The following GPR108 variants were observed in gnomAD, a reference collection of about 807,000 sequenced individuals.
The protein encoded by GPR108 is G protein-coupled receptor 108, also known as protein GPR108.
In GPR108, 60 loss-of-function variants were observed where a neutral mutation model predicts 74.3. That is an observed-to-expected ratio of 0.81 (90% CI 0.66 to 1.00). The LOEUF (loss-of-function observed/expected upper bound fraction) is 1.00, where lower values mean the gene tolerates loss of function less well. Among genes scored for constraint, GPR108 ranks in the 50% least tolerant of loss-of-function variants. The probability of loss-of-function intolerance (pLI) is 0.00; values close to 1 mark genes in which losing one functional copy is unlikely to be tolerated. For missense variants in GPR108, 667 were observed against 703.3 expected, an observed-to-expected ratio of 0.95 and a Z score of 0.58; for synonymous variants, 311 against 292.4, an observed-to-expected ratio of 1.06 and a Z score of -0.65.
At position 6,735,846 on chromosome 19, in the gene GPR108, A is replaced by T. The variant is rs1227225557; in HGVS notation, c.291+62T>A. 6 of 1,564,202 alleles carry T rather than the reference A, an allele frequency of 3.8e-6. No homozygotes were observed. The East Asian group carries it at 1.1e-4, about 30-fold the overall frequency. On this transcript the variant is annotated intron_variant, in intron 3 of 17. Coordinates refer to ENST00000264080, the MANE Select transcript of GPR108 (RefSeq NM_001080452.2). ...AGGGGCCCTTGGGTTACAGATGCAG[A>T]GGACAGACCCTACCCCCTCCCTCCA... is the stretch of plus-strand genomic sequence containing the variant.
At position 6,733,148 on chromosome 19, in the gene GPR108, C is replaced by A. The variant is rs1020761102; in HGVS notation, c.857+20G>T. 2 of 1,613,736 alleles carry A rather than the reference C, an allele frequency of 1.2e-6. No homozygotes were observed. Among genetic ancestry groups the A allele is most frequent in the African/African-American group, 1.3e-5 (1 of 74,904 alleles). ...GTCTGGTGAAGGGACGTGGGGGACCCTCAGGGGCAGGGGCATTACGTGTTC... is the reference window on the plus strand; with the variant it reads ...GTCTGGTGAAGGGACGTGGGGGACCATCAGGGGCAGGGGCATTACGTGTTC... On this transcript the variant is annotated intron_variant, in intron 9 of 17. Coordinates refer to ENST00000264080, the MANE Select transcript of GPR108 (RefSeq NM_001080452.2).
Position 6,732,102 on chromosome 19 carries a change from G to C in GPR108, c.1179C>G (p.Ser393Arg). ...AAATCTCCTTCCACAGCACGTAGTCGCTGGCGCCTTCCTCGCGGGACTCGA... is the reference window on the plus strand; with the variant it reads ...AAATCTCCTTCCACAGCACGTAGTCCCTGGCGCCTTCCTCGCGGGACTCGA... ...IIIESREEGA[S>R]DYVLWKEILF... The change falls in exon 13 of 18, where the codon AGC (serine) becomes AGG (arginine). Residue 393 changes from serine (S) to arginine (R), a missense_variant. Physicochemically the swap from Ser to Arg is moderately radical, Grantham distance 110 (BLOSUM62 -1). Coordinates refer to ENST00000264080, the MANE Select transcript of GPR108 (RefSeq NM_001080452.2). The C allele has an allele frequency of 6.2e-7, 1 of 1,613,982 alleles. No individual in the cohort carries two copies. The highest frequency in any genetic ancestry group is 8.5e-7 in the Non-Finnish European group (1 of 1,180,012).
intron 14 of GPR108, 42 bp from the exon 15 acceptor site, chr19:6,731,564 G>C (rs779767802): frequency 1.0e-6 from 1 of 989,696 alleles, no homozygotes; most frequent in Non-Finnish European, 1.5e-6. Flanking sequence ...GAGACTGAGG[G>C]TGGGAGGGAG....
In GPR108 at chr19:6,737,122, G is replaced by A. The variant is rs73922484; in HGVS notation, c.120+335C>T. The stretch of plus-strand genomic sequence containing the variant: ...CCACTCTATAGCCCCCCAGGACCCC[G>A]CTGTGCGGCTCCAGGGTCTCTAGCG... On this transcript the variant is annotated intron_variant, in intron 1 of 17. Coordinates refer to ENST00000264080, the MANE Select transcript of GPR108 (RefSeq NM_001080452.2). The A allele has an allele frequency of 1.8e-3, 686 of 387,030 alleles. 5 individuals carry two copies. The highest frequency in any genetic ancestry group is 0.013 in the African/African-American group (639 of 48,248). The allele number at this position is 387,030 out of a possible 1,614,324, so 24.0% of individuals were successfully genotyped here.
intron 2 of GPR108, 57 bp from the exon 3 acceptor site, chr19:6,736,015 A>T: frequency 6.8e-7 from 1 of 1,481,356 alleles, no homozygotes; most frequent in South Asian, 1.2e-5. Context: ...CCTCCCAGCT[A>T]TCCCTTTCAG....
Position 6,737,577 on chromosome 19 carries a change from C to T in GPR108, c.-1G>A, listed in dbSNP as rs1260823661. On this transcript the variant is annotated 5_prime_UTR_variant, in exon 1 of 18. Coordinates refer to ENST00000264080, the MANE Select transcript of GPR108 (RefSeq NM_001080452.2). ...GCCCCCTCCTCTCGCTCACTGCCATCTCTGGAGCCACCTCCTCCCCGACTC... is the reference window on the plus strand; with the variant it reads ...GCCCCCTCCTCTCGCTCACTGCCATTTCTGGAGCCACCTCCTCCCCGACTC... 3.4e-6 allele frequency: 5 copies of T among 1,481,054 alleles called. No individual in the cohort carries two copies. In the South Asian group the frequency reaches 6.4e-5, roughly 19 times the overall value. 91.7% of individuals were successfully genotyped at this position (1,481,054 alleles called of 1,614,324 possible).
rs1295517566 is a variant in GPR108 at position 6,736,725 on chromosome 19, A to G, written c.121-14T>C. 6.8e-6 allele frequency: 11 copies of G among 1,613,806 alleles called. No individual in the cohort carries two copies. In the African/African-American group the frequency reaches 1.5e-4, roughly 22 times the overall value. ...TCGCTTCTCCCCCTGCCGGAGACCA[A>G]GGAGGCAGAGGCAGTTCAGACCTCT... On this transcript the variant is annotated splice_polypyrimidine_tract_variant and intron_variant, in intron 1 of 17. Transcript: ENST00000264080.
Position 6,732,308 on chromosome 19 carries a change from C to T in GPR108, c.1080G>A (p.Leu360=). The change falls in exon 12 of 18, where the codon CTG becomes CTA. Residue 360 remains leucine (L), a synonymous_variant. Transcript: ENST00000264080. ...CAAAGACCTTCTTCTCCTTATCCGA[C>T]AGGACGTACTTGATGAAGGCCCAGC... ...GSGWAFIKYV[L]SDKEKKVFGI... The T allele has an allele frequency of 1.9e-6, 3 of 1,613,300 alleles. No individual in the cohort carries two copies. Among genetic ancestry groups the T allele is most frequent in the Non-Finnish European group, 2.5e-6 (3 of 1,180,034 alleles).
In GPR108 at chr19:6,734,173, C is replaced by CCTGA. The variant is rs1445502296; in HGVS notation, c.499+6_499+9dup. 6.2e-7 allele frequency: 1 copy of CCTGA among 1,614,056 alleles called. No individual in the cohort carries two copies. Among genetic ancestry groups the CCTGA allele is most frequent in the African/African-American group, 1.3e-5 (1 of 74,938 alleles). On this transcript the variant is annotated intron_variant, in intron 5 of 17. Transcript: ENST00000264080. ...CATCCACCCCCGTCTGCACAGCCAGCCTGACTCACCGCCATCCACCTTGCG... is the reference window on the plus strand; with the variant it reads ...CATCCACCCCCGTCTGCACAGCCAGCCTGACTGACTCACCGCCATCCACCTTGCG...
rs769102342 is a variant in GPR108, at chr19:6,732,510, C to T, written c.973G>A (p.Glu325Lys). 16 of 1,613,324 alleles carry T rather than the reference C, an allele frequency of 9.9e-6. No homozygotes were observed. Among genetic ancestry groups the T allele is most frequent in the South Asian group, 4.4e-5 (4 of 91,056 alleles). ...YFINSQGHPI[E>K]GLAVMYYIAH... is the part of the protein sequence containing the mutation. ...ATGTAGTACATGACGGCAAGGCCTT[C>T]GATGGGGTGGCCCTGGCTGTTGATG... Residue 325 changes from glutamate (E) to lysine (K), a missense_variant, in exon 11 of 18, where the codon GAA becomes AAA. By Grantham distance (56) the Glu-to-Lys change is moderately conservative (BLOSUM62 1). Coordinates refer to ENST00000264080, the MANE Select transcript of GPR108 (RefSeq NM_001080452.2).
chr19:6,730,517 C>T (rs898549356), intron 17 of GPR108, 133 bp from the exon 18 acceptor site: 7 of 719,336 alleles, frequency 9.7e-6, no homozygotes, highest in African/African-American at 7.0e-5. Flanking sequence ...CTACCCCAGA[C>T]TCACCCAGGC....
At chr19:6,735,545 C>T in intron 4 of GPR108, 77 bp downstream of exon 4, 1 of 1,232,618 alleles carries the variant, frequency 8.1e-7, no homozygotes, top group Admixed American at 1.9e-5. Flanking sequence ...CCCACCTGAT[C>T]AGCCCAGGTG....
chr19:6,731,511 G>C lies in GPR108; in HGVS notation c.1312C>G (p.Leu438Val), dbSNP rs1832329054. Residue 438 changes from leucine (L) to valine (V), a missense_variant, in exon 15 of 18, where the codon CTG (leucine) becomes GTG (valine). Transcript: ENST00000264080. The stretch of plus-strand genomic sequence containing the variant: ...TGCCGGAACAGCTTCAGCTTGGCCA[G>C]GTTCACTGCCACTGAGGGTGGGCAC... ...SGTDGKVAVN[L>V]AKLKLFRHYY... 6.8e-7 allele frequency: 1 copy of C among 1,469,922 alleles called. No individual in the cohort carries two copies. The highest frequency in any genetic ancestry group is 1.5e-5 in the African/African-American group (1 of 68,920). 91.1% of individuals were successfully genotyped at this position (1,469,922 alleles called of 1,614,324 possible).
Position 6,734,061 on chromosome 19 carries a change from G to C in GPR108, c.500-7C>G. ...CTGGCTGCAGAGGTCCCTCCTGTAA[G>C]AGACCGGGCAGTGATTTTAAGAGAT... On this transcript the variant is annotated splice_polypyrimidine_tract_variant and splice_region_variant and intron_variant, in intron 5 of 17. Coordinates refer to ENST00000264080, the MANE Select transcript of GPR108 (RefSeq NM_001080452.2). 1.2e-6 allele frequency: 2 copies of C among 1,614,210 alleles called. No homozygotes were observed. Among genetic ancestry groups the C allele is most frequent in the South Asian group, 2.2e-5 (2 of 91,086 alleles).
At chr19:6,737,407 C>T (rs775479524) in intron 1 of GPR108, 50 bp downstream of exon 1, 3 of 1,564,882 alleles carry the variant, frequency 1.9e-6, no homozygotes, top group South Asian at 2.3e-5. Flanking sequence ...GGGGCTTCTC[C>T]GAGACAAAGT....
rs187262155 is a variant in GPR108, at chr19:6,730,250, A to G, written c.*62T>C. 1.4e-6 allele frequency: 2 copies of G among 1,473,144 alleles called. No individual in the cohort carries two copies. The highest frequency in any genetic ancestry group is 1.7e-5 in the Admixed American group (1 of 59,768). 91.3% of individuals were successfully genotyped at this position (1,473,144 alleles called of 1,614,324 possible). Reference sequence around the variant, plus strand: ...TCCACCTCCCCACATACGCTGTGGAAGAAGGGCAGGAGTGAGAAATGCTGG... The same window carrying G: ...TCCACCTCCCCACATACGCTGTGGAGGAAGGGCAGGAGTGAGAAATGCTGG... On this transcript the variant is annotated 3_prime_UTR_variant, in exon 18 of 18. Transcript: ENST00000264080.
chr19:6,736,559 C>T, intron 2 of GPR108, 33 bp downstream of exon 2: 1 of 1,600,082 alleles, frequency 6.2e-7, no homozygotes, highest in South Asian at 1.1e-5. Flanking sequence ...TTGCACCGTG[C>T]TCTCCTCCAG....
At chr19:6,734,424 A>C (rs962846987) in intron 4 of GPR108, 117 bp from the exon 5 acceptor site, 3 of 949,580 alleles carry the variant, frequency 3.2e-6, no homozygotes, top group African/African-American at 1.6e-5. Context: ...GGCGGGGTCC[A>C]GTCGAGTCAG....
chr19:6,730,213 A>G lies in GPR108; in HGVS notation c.*99T>C. 8.4e-7 allele frequency: 1 copy of G among 1,191,588 alleles called. No individual in the cohort carries two copies. The highest frequency in any genetic ancestry group is 1.2e-6 in the Non-Finnish European group (1 of 800,848). The allele number at this position is 1,191,588 out of a possible 1,614,324, so 73.8% of individuals were successfully genotyped here. ...TCCCGGGGAGCTGGGCGCCTGGTCC[A>G]CATGGACCCCCTCCACCTCCCCACA... is the stretch of plus-strand genomic sequence containing the variant. On this transcript the variant is annotated 3_prime_UTR_variant, in exon 18 of 18. Transcript: ENST00000264080.
Sources: allele counts gnomAD v4.1 joint callset, GRCh38; gene constraint gnomAD v4.1.1; transcripts MANE v1.5; gene names NCBI Gene and HGNC (gene_info 2026-07-23, HGNC 2026-07-21).